The following EBF3 variants were observed in gnomAD, a reference collection of about 807,000 sequenced individuals.
The protein encoded by EBF3 is transcription factor COE3.
Under a neutral mutation model 77.1 loss-of-function variants are expected in EBF3, and 18 were observed. That is an observed-to-expected ratio of 0.23 (90% CI 0.16 to 0.35). The LOEUF (loss-of-function observed/expected upper bound fraction) is 0.35. Among genes scored for constraint, EBF3 ranks in the 10% least tolerant of loss-of-function variants. The pLI is 1.00. For missense variants in EBF3, 558 were observed against 860.0 expected (o/e 0.65, Z 4.39); for synonymous variants, 350 against 343.5 (o/e 1.02, Z -0.21).
At position 129,837,803 on chromosome 10, in the gene EBF3, T is replaced by C. The variant is rs1230383315; in HGVS notation, c.*140A>G. On this transcript the variant is annotated 3_prime_UTR_variant, in exon 17 of 17. Transcript: ENST00000440978. ...TAAAATCTTTAAACAAAGTCTTTTGTAGCATTTCAATTGCTGCTGATTTTT... is the reference window on the plus strand; with the variant it reads ...TAAAATCTTTAAACAAAGTCTTTTGCAGCATTTCAATTGCTGCTGATTTTT... 9 of 1,097,816 alleles carry C rather than the reference T, an allele frequency of 8.2e-6. No homozygotes were observed. The highest frequency in any genetic ancestry group is 1.6e-5 in the African/African-American group (1 of 63,882). 68.0% of individuals were successfully genotyped at this position (1,097,816 alleles called of 1,614,324 possible).
At chr10:129,854,314 A>G (rs1189634413) in intron 10 of EBF3, among the ~76,000 whole-genome samples, 1 of 152,136 alleles carries the variant, frequency 6.6e-6, no homozygotes, top group Non-Finnish European at 1.5e-5. Context: ...TAGAAATTTC[A>G]TGAACTTTGA....
intron 6 of EBF3, among the ~76,000 whole-genome samples, chr10:129,931,102 A>G (rs966132003): frequency 1.4e-4 from 22 of 152,010 alleles, no homozygotes; most frequent in African/African-American, 5.3e-4. Flanking sequence ...ATATTAACAA[A>G]TCCCCCTCTC....
chr10:129,891,272 G>A (rs969070225), intron 6 of EBF3, among the ~76,000 whole-genome samples: 2 of 152,138 alleles, frequency 1.3e-5, no homozygotes, highest in African/African-American at 4.8e-5. Context: ...ATTCCAGTTT[G>A]ATAATCATTA....
intron 6 of EBF3, among the ~76,000 whole-genome samples, chr10:129,911,182 C>G (rs1048622448): frequency 2.0e-5 from 3 of 152,224 alleles, no homozygotes. Flanking sequence ...CTGTGAGGGA[C>G]CTCCAGCCCA....
In EBF3 at chr10:129,837,567, A is replaced by C. The variant is rs1352231368; in HGVS notation, c.*376T>G. 4.4e-6 allele frequency: 1 copy of C among 227,906 alleles called. No homozygotes were observed. The highest frequency in any genetic ancestry group is 8.6e-6 in the Non-Finnish European group (1 of 116,170). The allele number at this position is 227,906 out of a possible 1,614,324, so 14.1% of individuals were successfully genotyped here. ...TTTCATCAGCGTTTCATGATCATCA[A>C]AATGGTGCATTCACAAAGTTTCTCC... On this transcript the variant is annotated 3_prime_UTR_variant, in exon 17 of 17. Transcript: ENST00000440978.
At chr10:129,862,083 G>C (rs953255151) in intron 10 of EBF3, among the ~76,000 whole-genome samples, 1 of 152,110 alleles carries the variant, frequency 6.6e-6, no homozygotes, top group Admixed American at 6.5e-5. Flanking sequence ...CCTCACCCAG[G>C]GCCAGGACAG....
intron 6 of EBF3, among the ~76,000 whole-genome samples, chr10:129,934,639 C>A (rs1446933383): frequency 6.6e-6 from 1 of 152,142 alleles, no homozygotes; most frequent in African/African-American, 2.4e-5. Flanking sequence ...CACTCCCCCT[C>A]ATTTCCCTCC....
intron 6 of EBF3, among the ~76,000 whole-genome samples, chr10:129,880,382 T>C (rs1042227904): frequency 6.6e-6 from 1 of 151,826 alleles, no homozygotes; most frequent in South Asian, 2.1e-4. Flanking sequence ...CACACTTGCA[T>C]ACACACACAT....
intron 10 of EBF3, among the ~76,000 whole-genome samples, chr10:129,858,126 G>C: frequency 6.6e-6 from 1 of 152,314 alleles, no homozygotes; most frequent in East Asian, 1.9e-4. Flanking sequence ...CCAGGGCATG[G>C]CCTGGAACCC....
rs1163691786 is a variant in EBF3, at chr10:129,944,032, G to A, written c.554+13226C>T. ...ATTAACATTTCATCTCTAGTGTTAT[G>A]TTATTATCGCCTTTATGTTTTAATC... On this transcript the variant is annotated intron_variant, in intron 6 of 16. Coordinates refer to ENST00000440978, the MANE Select transcript of EBF3 (RefSeq NM_001375380.1). The surrounding 1 kb of genome is among the most constrained non-coding windows in gnomAD (Gnocchi z 5.1). Among the ~76,000 whole-genome samples, 1 of 152,186 alleles carries A rather than the reference G, an allele frequency of 6.6e-6. No individual in the cohort carries two copies. Among genetic ancestry groups the A allele is most frequent in the Non-Finnish European group, 1.5e-5 (1 of 68,038 alleles).
At chr10:129,878,818 G>A (rs1002629780) in intron 6 of EBF3, among the ~76,000 whole-genome samples, 17 of 18,714 alleles carry the variant, frequency 9.1e-4, no homozygotes, top group South Asian at 5.2e-3. Context: ...AGTGAAAATC[G>A]GTCTCAAAAA....
chr10:129,888,169 G>A (rs1042917169), intron 6 of EBF3, among the ~76,000 whole-genome samples: 1 of 152,214 alleles, frequency 6.6e-6, no homozygotes. Flanking sequence ...CACGCCCTCC[G>A]CGTGATTTTC....
intron 6 of EBF3, among the ~76,000 whole-genome samples, chr10:129,880,997 T>C (rs1207803649): frequency 1.3e-5 from 2 of 152,236 alleles, no homozygotes; most frequent in Non-Finnish European, 2.9e-5. Context: ...GCCCAACATG[T>C]GAAGTCAAAA....
At chr10:129,898,250 G>A (rs1206600094) in intron 6 of EBF3, among the ~76,000 whole-genome samples, 1 of 152,234 alleles carries the variant, frequency 6.6e-6, no homozygotes, top group Non-Finnish European at 1.5e-5. Flanking sequence ...TAAAAGTCAT[G>A]GACAAAAGGT....
chr10:129,840,184 A>ACAACCAAAC, intron 15 of EBF3, 61 bp downstream of exon 15: 1 of 831,846 alleles, frequency 1.2e-6, no homozygotes, highest in Non-Finnish European at 1.8e-6. Flanking sequence ...CCCCACCCCC[A>ACAACCAAAC]CTCCCATCCC....
Position 129,839,209 on chromosome 10 carries a change from G to A in EBF3, c.1760-14C>T, listed in dbSNP as rs1431839469. The stretch of plus-strand genomic sequence containing the variant: ...CCAGCAGAGAGCCTGGTACATAGTA[G>A]GTGCTCAGTAAATACTGGTTGAATG... On this transcript the variant is annotated splice_polypyrimidine_tract_variant and intron_variant, in intron 15 of 16. Transcript: ENST00000440978. The A allele has an allele frequency of 8.4e-7, 1 of 1,186,080 alleles. No homozygotes were observed. Among genetic ancestry groups the A allele is most frequent in the Non-Finnish European group, 1.1e-6 (1 of 881,444 alleles). 73.5% of individuals were successfully genotyped at this position (1,186,080 alleles called of 1,614,324 possible). A position where few individuals can be genotyped will look rare whatever the true frequency, so the allele number is the denominator to read the frequency against.
chr10:129,850,386 T>C (rs540071251), intron 10 of EBF3, among the ~76,000 whole-genome samples: 1 of 152,380 alleles, frequency 6.6e-6, no homozygotes, highest in East Asian at 1.9e-4. Flanking sequence ...GATATTCTTC[T>C]TTGATGCCCA....
intron 6 of EBF3, among the ~76,000 whole-genome samples, chr10:129,878,823 C>CAAAAA (rs10654202): frequency 0.017 from 969 of 58,678 alleles, 124 homozygotes; most frequent in South Asian, 0.017. Flanking sequence ...AAATCGGTCT[C>CAAAAA]AAAAAAAAAA....
In EBF3 at chr10:129,943,429, T is replaced by C. The variant is rs1378245752; in HGVS notation, c.554+13829A>G. Among the ~76,000 whole-genome samples, 1 of 152,208 alleles carries C rather than the reference T, an allele frequency of 6.6e-6. No homozygotes were observed. Among genetic ancestry groups the C allele is most frequent in the Non-Finnish European group, 1.5e-5 (1 of 68,032 alleles). Reference sequence around the variant, plus strand: ...GCTGGATAATTTCATTTTAAAAGTATCGCTAAAATTTGATGTCCCTTGGGA... The same window carrying C: ...GCTGGATAATTTCATTTTAAAAGTACCGCTAAAATTTGATGTCCCTTGGGA... On this transcript the variant is annotated intron_variant, in intron 6 of 16. Transcript: ENST00000440978. This position sits in a 1 kb window ranked among gnomAD's most constrained non-coding sequence, Gnocchi z 8.8.
Sources: gnomAD v4.1 joint callset for allele counts (sites outside exome capture counted in the v4.1 genomes callset) on GRCh38, gnomAD v4.1.1 for gene constraint, Gnocchi (gnomAD v3.1) non-coding constraint, MANE v1.5 for transcripts, NCBI Gene and HGNC (gene_info 2026-07-23, HGNC 2026-07-21) for gene names.